Variants in CLEC3A observed in about 807,000 individuals in gnomAD.
The protein encoded by CLEC3A is C-type (calcium dependent, carbohydrate-recognition domain) lectin, superfamily member 1 (cartilage-derived).
In CLEC3A, 28 loss-of-function variants were observed where a neutral mutation model predicts 20.4. The ratio of observed to expected loss-of-function variants is 1.37; its 90% confidence interval spans 1.02 to 1.88. The LOEUF is 1.88. CLEC3A is among the 40% of genes most tolerant of loss of function. CLEC3A has a pLI of 0.00. For missense variants in CLEC3A, 357 were observed against 240.4 expected (o/e 1.48, Z -3.21); for synonymous variants, 110 against 88.1 (o/e 1.25, Z -1.39).
At chr16:78,029,999 A>G (rs1257034983) in intron 2 of CLEC3A, among the ~76,000 whole-genome samples, 1 of 151,934 alleles carries the variant, frequency 6.6e-6, no homozygotes, top group Non-Finnish European at 1.5e-5. Context: ...TAAAAATACA[A>G]AAAATTAGCC....
intron 2 of CLEC3A, chr16:78,028,992 G>A: frequency 2.6e-6 from 1 of 380,008 alleles, no homozygotes; most frequent in South Asian, 2.0e-5. Context: ...AAAGTTAAAA[G>A]ACAGTCAAAT....
At chr16:78,025,486 G>A (rs1433066466) in intron 1 of CLEC3A, among the ~76,000 whole-genome samples, 1 of 152,108 alleles carries the variant, frequency 6.6e-6, no homozygotes, top group African/African-American at 2.4e-5. Context: ...TCTGTGTATG[G>A]GAGTGCCCAT....
intron 1 of CLEC3A, among the ~76,000 whole-genome samples, chr16:78,024,281 T>A (rs1156569148): frequency 6.6e-6 from 1 of 152,072 alleles, no homozygotes; most frequent in African/African-American, 2.4e-5. Context: ...GATCACCCAG[T>A]AGGAATGTGT....
Position 78,030,856 on chromosome 16 carries a change from T to C in CLEC3A, c.*15T>C. 6.3e-7 allele frequency: 1 copy of C among 1,594,026 alleles called. No homozygotes were observed. Among genetic ancestry groups the C allele is most frequent in the African/African-American group, 1.3e-5 (1 of 74,472 alleles). On this transcript the variant is annotated 3_prime_UTR_variant, in exon 3 of 3. Coordinates refer to ENST00000299642, the MANE Select transcript of CLEC3A (RefSeq NM_005752.6). Reference sequence around the variant, plus strand: ...TCCCTCAATAGGTCTTTCTCCAATGTGTCCTCCAAGCAAGATTCATCATAA... The same window carrying C: ...TCCCTCAATAGGTCTTTCTCCAATGCGTCCTCCAAGCAAGATTCATCATAA...
Position 78,030,534 on chromosome 16 carries a change from T to G in CLEC3A, c.287T>G (p.Ile96Ser), listed in dbSNP as rs770694182. ...KHFHEANEDC[I>S]SKGGILVIPR... Reference sequence around the variant, plus strand: ...TTCCATGAGGCCAATGAAGACTGCATTTCCAAAGGAGGAATCCTGGTTATC... The same window carrying G: ...TTCCATGAGGCCAATGAAGACTGCAGTTCCAAAGGAGGAATCCTGGTTATC... The change falls in exon 3 of 3, where the codon ATT (isoleucine) becomes AGT (serine). Residue 96 changes from isoleucine to serine, a missense_variant. Coordinates refer to ENST00000299642, the MANE Select transcript of CLEC3A (RefSeq NM_005752.6). The G allele has an allele frequency of 6.2e-7, 1 of 1,614,158 alleles. No individual in the cohort carries two copies. The highest frequency in any genetic ancestry group is 1.7e-5 in the Admixed American group (1 of 60,030).
chr16:78,029,342 C>T lies in CLEC3A; in HGVS notation c.200-1105C>T, dbSNP rs191169798. Among the ~76,000 whole-genome samples, 40 of 152,278 alleles carry T rather than the reference C, an allele frequency of 2.6e-4. No individual in the cohort carries two copies. The East Asian group carries it at 7.5e-3, about 29-fold the overall frequency. On this transcript the variant is annotated intron_variant, in intron 2 of 2. Coordinates refer to ENST00000299642, the MANE Select transcript of CLEC3A (RefSeq NM_005752.6). ...GCTTAAGAAAATCCCTGTCTCTCCA[C>T]ATGCAAAACTAGAATTTAATTGATT... is the stretch of plus-strand genomic sequence containing the variant.
chr16:78,028,212 T>A, intron 2 of CLEC3A, 22 bp downstream of exon 2: 1 of 1,533,564 alleles, frequency 6.5e-7, no homozygotes, highest in Non-Finnish European at 8.8e-7. Flanking sequence ...ACCTTCTCAG[T>A]GCCTTGTCCC....
rs1381704650 is a variant in CLEC3A at position 78,031,257 on chromosome 16, G to A, written c.*416G>A. On this transcript the variant is annotated 3_prime_UTR_variant, in exon 3 of 3. Coordinates refer to ENST00000299642, the MANE Select transcript of CLEC3A (RefSeq NM_005752.6). ...TGACTAACAAAAATTCCCTACATCA[G>A]AGACTCTAGGTGCTATATAATCCAA... 1 of 165,426 alleles carries A rather than the reference G, an allele frequency of 6.0e-6. No homozygotes were observed. The highest frequency in any genetic ancestry group is 1.3e-5 in the Non-Finnish European group (1 of 76,866). The allele number at this position is 165,426 out of a possible 1,614,324, so 10.2% of individuals were successfully genotyped here.
chr16:78,028,209 C>G lies in CLEC3A; in HGVS notation c.199+19C>G. The G allele has an allele frequency of 1.3e-6, 2 of 1,550,052 alleles. No homozygotes were observed. The highest frequency in any genetic ancestry group is 1.7e-6 in the Non-Finnish European group (2 of 1,152,064). On this transcript the variant is annotated intron_variant, in intron 2 of 2. Coordinates refer to ENST00000299642, the MANE Select transcript of CLEC3A (RefSeq NM_005752.6). The stretch of plus-strand genomic sequence containing the variant: ...CAGACAGGTAAGGTGCAGACCTTCT[C>G]AGTGCCTTGTCCCAAAGGAGACAGG...
At chr16:78,022,850 C>A in intron 1 of CLEC3A, 109 bp downstream of exon 1, 1 of 1,115,242 alleles carries the variant, frequency 9.0e-7, no homozygotes, top group Non-Finnish European at 1.3e-6. Context: ...GGTGATGGCA[C>A]CATGCCATCA....
chr16:78,024,835 T>G (rs1192523667), intron 1 of CLEC3A, among the ~76,000 whole-genome samples: 1 of 152,152 alleles, frequency 6.6e-6, no homozygotes, highest in African/African-American at 2.4e-5. Context: ...TTTGTAGGAT[T>G]GTTTGTTTTG....
chr16:78,026,921 C>T (rs2029942521), intron 1 of CLEC3A, among the ~76,000 whole-genome samples: 1 of 152,162 alleles, frequency 6.6e-6, no homozygotes, highest in Admixed American at 6.5e-5. Context: ...CTAGTAGCCA[C>T]CATACCTGAG....
chr16:78,023,272 A>G (rs2018773036), intron 1 of CLEC3A, among the ~76,000 whole-genome samples: 1 of 152,190 alleles, frequency 6.6e-6, no homozygotes, highest in Non-Finnish European at 1.5e-5. Flanking sequence ...GCATAAGGAC[A>G]ACCTATACCA....
chr16:78,029,076 C>T, intron 2 of CLEC3A: 2 of 453,152 alleles, frequency 4.4e-6, no homozygotes, highest in Non-Finnish European at 8.9e-6. Context: ...AAACACAAAT[C>T]CATTAATCCT....
chr16:78,030,110 G>T (rs1382421107), intron 2 of CLEC3A, among the ~76,000 whole-genome samples: 1 of 131,698 alleles, frequency 7.6e-6, no homozygotes, highest in Non-Finnish European at 1.5e-5. Flanking sequence ...CCGAGATGGC[G>T]CCACTGCACT....
At position 78,030,778 on chromosome 16, in the gene CLEC3A, G is replaced by T. The variant is rs774636551; in HGVS notation, c.531G>T (p.Lys177Asn). 2.5e-6 allele frequency: 4 copies of T among 1,614,178 alleles called. No homozygotes were observed. The highest frequency in any genetic ancestry group is 2.5e-6 in the Non-Finnish European group (3 of 1,180,014). Residue 177 changes from lysine to asparagine, a missense_variant, in exon 3 of 3, where the codon AAG (lysine) becomes AAT (asparagine). By Grantham distance (94) the Lys-to-Asn change is moderately conservative. Coordinates refer to ENST00000299642, the MANE Select transcript of CLEC3A (RefSeq NM_005752.6). ...TGTTCTCCCAATCAGCTCAGGGCAA[G>T]TGGAGTGATGAGGCCTGTCGCAGCA... ...CVLFSQSAQG[K>N]WSDEACRSSK...
At chr16:78,023,068 T>A (rs1278675221) in intron 1 of CLEC3A, among the ~76,000 whole-genome samples, 1 of 152,206 alleles carries the variant, frequency 6.6e-6, no homozygotes, top group East Asian at 1.9e-4. Context: ...AAATCTGGTG[T>A]TATTAATATG....
chr16:78,028,170 A>C lies in CLEC3A; in HGVS notation c.179A>C (p.Glu60Ala), dbSNP rs189961907. The C allele has an allele frequency of 1.2e-6, 2 of 1,610,116 alleles. No individual in the cohort carries two copies. Among genetic ancestry groups the C allele is most frequent in the Admixed American group, 3.4e-5 (2 of 58,700 alleles). The part of the protein sequence containing the change: ...KLWTEVNALK[E>A]IQALQTVCLR... The stretch of plus-strand genomic sequence containing the variant: ...TGGACAGAAGTCAATGCCTTGAAGG[A>C]AATTCAAGCCCTGCAGACAGGTAAG... Residue 60 changes from glutamate to alanine, a missense_variant, in exon 2 of 3, where the codon GAA (glutamate) becomes GCA (alanine). By Grantham distance (107) the Glu-to-Ala change is moderately radical. Transcript: ENST00000299642.
rs2030087226 is a variant in CLEC3A, at chr16:78,031,016, G to C, written c.*175G>C. ...TGCTAACACATTTCTTTGGGATTTTGCCCTTCCTGGGGTATAGGGGATCAG... is the reference window on the plus strand; with the variant it reads ...TGCTAACACATTTCTTTGGGATTTTCCCCTTCCTGGGGTATAGGGGATCAG... On this transcript the variant is annotated 3_prime_UTR_variant, in exon 3 of 3. Coordinates refer to ENST00000299642, the MANE Select transcript of CLEC3A (RefSeq NM_005752.6). 3 of 686,618 alleles carry C rather than the reference G, an allele frequency of 4.4e-6. No homozygotes were observed. The East Asian group carries it at 8.5e-5, about 19-fold the overall frequency. The allele number at this position is 686,618 out of a possible 1,614,324, so 42.5% of individuals were successfully genotyped here.
Sources: gnomAD v4.1 joint callset for allele counts (sites outside exome capture counted in the v4.1 genomes callset) on GRCh38, gnomAD v4.1.1 for gene constraint, MANE v1.5 for transcripts, NCBI Gene and HGNC (gene_info 2026-07-23, HGNC 2026-07-21) for gene names.